SPON1: variants seen among roughly 807,000 people sequenced by gnomAD.
The protein encoded by SPON1 is spondin-1.
A neutral mutation model predicts 111.7 loss-of-function variants in SPON1; 52 were observed. That is an observed-to-expected ratio of 0.47 (90% confidence interval 0.37 to 0.59). The LOEUF (loss-of-function observed/expected upper bound fraction) is 0.59. Among genes scored for constraint, SPON1 ranks in the 20% least tolerant of loss-of-function variants. SPON1 has a pLI of 0.00. For missense variants in SPON1, 957 were observed against 1,068.5 expected, an observed-to-expected ratio of 0.90 and a Z score of 1.46; for synonymous variants, 410 against 395.8, an observed-to-expected ratio of 1.04 and a Z score of -0.43.
intron 5 of SPON1, among the ~76,000 whole-genome samples, chr11:14,091,785 T>TG (rs1354893751): frequency 3.9e-5 from 6 of 152,022 alleles, no homozygotes; most frequent in African/African-American, 1.2e-4. Context: ...CACAGTGCAG[T>TG]GGGGGGCTGA....
At chr11:14,010,288 T>C (rs1372928036) in intron 2 of SPON1, among the ~76,000 whole-genome samples, 1 of 151,836 alleles carries the variant, frequency 6.6e-6, no homozygotes, top group Non-Finnish European at 1.5e-5. Context: ...TTGGCAACCC[T>C]GTAGTAGATG....
At position 14,169,955 on chromosome 11, in the gene SPON1, C is replaced by T. The variant is rs193048268; in HGVS notation, c.825+34387C>T. Among the ~76,000 whole-genome samples, 493 of 152,260 alleles carry T rather than the reference C, an allele frequency of 3.2e-3. 2 individuals are homozygous for T. Among genetic ancestry groups the T allele is most frequent in the Middle Eastern group, 0.01 (3 of 294 alleles). ...GATGCCTCCAGCTTTGTTCTTTTGG[C>T]TTAGGATTGACTTGGCAATGTGAGC... On this transcript the variant is annotated intron_variant, in intron 6 of 15. Transcript: ENST00000576479.
intron 3 of SPON1, among the ~76,000 whole-genome samples, chr11:14,066,386 C>T (rs1038029008): frequency 1.3e-5 from 2 of 151,460 alleles, no homozygotes; most frequent in Admixed American, 6.6e-5. Context: ...GGTCAAAAGA[C>T]GCTGGAAAAA....
At chr11:14,007,513 G>A (rs187865833) in intron 2 of SPON1, among the ~76,000 whole-genome samples, 283 of 150,640 alleles carry the variant, frequency 1.9e-3, no homozygotes, top group Middle Eastern at 3.5e-3. Context: ...ATTAGATGGT[G>A]CCCACACAGC....
At chr11:13,979,856 G>C (rs117410084) in intron 1 of SPON1, among the ~76,000 whole-genome samples, 3 of 152,148 alleles carry the variant, frequency 2.0e-5, no homozygotes, top group Non-Finnish European at 4.4e-5. Context: ...CCAGAATTGT[G>C]TATAATGGCC....
chr11:14,260,804 G>T, intron 14 of SPON1, 52 bp downstream of exon 14: 1 of 1,575,666 alleles, frequency 6.3e-7, no homozygotes, highest in African/African-American at 1.3e-5. Flanking sequence ...CTGAGTCCAG[G>T]GAGCCCCGAA....
intron 2 of SPON1, among the ~76,000 whole-genome samples, chr11:14,015,463 T>C (rs1384772842): frequency 3.3e-5 from 5 of 152,208 alleles, no homozygotes; most frequent in African/African-American, 1.2e-4. Flanking sequence ...TCCTAAAGCC[T>C]CCACCTCTTA....
intron 2 of SPON1, among the ~76,000 whole-genome samples, chr11:14,000,340 TC>T (rs1848307394): frequency 1.3e-5 from 2 of 152,170 alleles, no homozygotes; most frequent in Admixed American, 1.3e-4. Flanking sequence ...AGCAATACCC[TC>T]ATCATTCTAA....
At position 14,262,979 on chromosome 11, in the gene SPON1, T is replaced by G; in HGVS notation, c.2260+4T>G. 1.9e-6 allele frequency: 3 copies of G among 1,611,004 alleles called. No homozygotes were observed. Among genetic ancestry groups the G allele is most frequent in the African/African-American group, 1.3e-5 (1 of 74,342 alleles). On this transcript the variant is annotated splice_donor_region_variant and intron_variant, in intron 15 of 15. Coordinates refer to ENST00000576479, the MANE Select transcript of SPON1 (RefSeq NM_006108.4). Reference sequence around the variant, plus strand: ...TCTGAAGGGGAGCAGTTCCCAGGTATGGCTCCCAAGTGTCAGCCTGGGTGG... The same window carrying G: ...TCTGAAGGGGAGCAGTTCCCAGGTAGGGCTCCCAAGTGTCAGCCTGGGTGG...
At chr11:13,965,504 TG>T (rs1345188857) in intron 1 of SPON1, among the ~76,000 whole-genome samples, 2 of 152,100 alleles carry the variant, frequency 1.3e-5, no homozygotes, top group Non-Finnish European at 2.9e-5. Flanking sequence ...GGCCAGCAGG[TG>T]GGGAACTGGG....
chr11:14,029,727 G>A (rs1554915795), intron 2 of SPON1, among the ~76,000 whole-genome samples: 1 of 152,190 alleles, frequency 6.6e-6, no homozygotes, highest in South Asian at 2.1e-4. Context: ...AGGAAGTGTA[G>A]TCAGGTTTTT....
At chr11:14,168,617 AG>A (rs1320852957) in intron 6 of SPON1, among the ~76,000 whole-genome samples, 1 of 151,976 alleles carries the variant, frequency 6.6e-6, no homozygotes, top group East Asian at 1.9e-4. Context: ...CTCGTCATTT[AG>A]CATTAGGTAT....
At chr11:14,152,907 G>A (rs1847804538) in intron 6 of SPON1, among the ~76,000 whole-genome samples, 2 of 152,114 alleles carry the variant, frequency 1.3e-5, no homozygotes, top group South Asian at 4.2e-4. Context: ...TGGACATGGT[G>A]ATCATTTGAA....
chr11:14,094,827 T>C (rs782206118), intron 5 of SPON1, among the ~76,000 whole-genome samples: 1 of 152,184 alleles, frequency 6.6e-6, no homozygotes, highest in Non-Finnish European at 1.5e-5. Flanking sequence ...GACAGCAGCT[T>C]GGATGGGGCC....
intron 6 of SPON1, among the ~76,000 whole-genome samples, chr11:14,184,453 A>G (rs1224109483): frequency 6.6e-6 from 1 of 152,186 alleles, no homozygotes; most frequent in Non-Finnish European, 1.5e-5. Context: ...ATTAATTGCT[A>G]TTACCTCTGA....
chr11:14,197,584 C>T (rs1450930109), intron 6 of SPON1, among the ~76,000 whole-genome samples: 2 of 151,260 alleles, frequency 1.3e-5, no homozygotes, highest in Non-Finnish European at 2.9e-5. Context: ...GGCAGTATCA[C>T]CTGAGGTCAG....
intron 1 of SPON1, 62 bp downstream of exon 1, chr11:13,963,204 T>C: frequency 7.7e-7 from 1 of 1,301,724 alleles, no homozygotes; most frequent in Non-Finnish European, 1.0e-6. Flanking sequence ...GGCGCCGACC[T>C]CGCGGTGCCG....
At chr11:14,121,151 C>A (rs948377505) in intron 5 of SPON1, among the ~76,000 whole-genome samples, 1 of 152,070 alleles carries the variant, frequency 6.6e-6, no homozygotes, top group African/African-American at 2.4e-5. Context: ...CAGAGGTTGC[C>A]AAGGGCTGGG....
At chr11:13,972,743 A>C (rs1367776020) in intron 1 of SPON1, among the ~76,000 whole-genome samples, 1 of 152,192 alleles carries the variant, frequency 6.6e-6, no homozygotes, top group Non-Finnish European at 1.5e-5. Context: ...CCTGCTGGTG[A>C]TTCTTGTAGT....
Sources: gnomAD v4.1 joint callset for allele counts (sites outside exome capture counted in the v4.1 genomes callset) on GRCh38, gnomAD v4.1.1 for gene constraint, MANE v1.5 for transcripts, NCBI Gene and HGNC (gene_info 2026-07-23, HGNC 2026-07-21) for gene names.